Variants in CRADD observed in about 807,000 individuals in gnomAD.
The protein encoded by CRADD is CARD and death domain containing adaptor protein.
Under a neutral mutation model 15.5 loss-of-function variants are expected in CRADD, and 9 were observed. That is an observed-to-expected ratio of 0.58 (90% CI 0.35 to 1.01). CRADD has a LOEUF of 1.01. Ranked by LOEUF, CRADD falls within the 50% of genes least tolerant of loss-of-function variation. CRADD has a pLI of 0.02. For missense variants in CRADD, 227 were observed against 250.3 expected (o/e 0.91, Z 0.63); for synonymous variants, 118 against 107.6 (o/e 1.10, Z -0.60).
At chr12:93,888,221 C>T (rs571580257) in intron 2 of CRADD, among the ~76,000 whole-genome samples, 6 of 152,118 alleles carry the variant, frequency 3.9e-5, no homozygotes, top group South Asian at 2.1e-4. Context: ...GTCAGGAGAT[C>T]GAGACCATCA....
chr12:93,843,151 G>A (rs1285760343), intron 2 of CRADD, among the ~76,000 whole-genome samples: 1 of 152,120 alleles, frequency 6.6e-6, no homozygotes, highest in Admixed American at 6.5e-5. Flanking sequence ...TGGTAAGGTA[G>A]GGGTATCACT....
In CRADD at chr12:93,819,446, G is replaced by A. The variant is rs185094400; in HGVS notation, c.299-30524G>A. ...GAAGAGGCAGCAAAGCTTAATGTGTGGTGGTTAAAGGCATGACTCAGAAGC... is the reference window on the plus strand; with the variant it reads ...GAAGAGGCAGCAAAGCTTAATGTGTAGTGGTTAAAGGCATGACTCAGAAGC... On this transcript the variant is annotated intron_variant, in intron 2 of 2. Transcript: ENST00000332896. Among the ~76,000 whole-genome samples the A allele has an allele frequency of 7.3e-4, 111 of 152,318 alleles. 1 individual carries two copies. The highest frequency in any genetic ancestry group is 1.6e-3 in the African/African-American group (67 of 41,560).
intron 2 of CRADD, among the ~76,000 whole-genome samples, chr12:93,874,220 A>G (rs1047510717): frequency 2.0e-5 from 3 of 152,096 alleles, no homozygotes; most frequent in Non-Finnish European, 2.9e-5. Flanking sequence ...AGATTTTCCA[A>G]TTTATTGGCA....
intron 2 of CRADD, among the ~76,000 whole-genome samples, chr12:93,832,197 A>C (rs934894544): frequency 3.9e-5 from 6 of 152,236 alleles, no homozygotes; most frequent in Non-Finnish European, 8.8e-5. Flanking sequence ...GGAAGACAGC[A>C]AATTTAAAAG....
At chr12:93,828,713 C>T (rs777678943) in intron 2 of CRADD, among the ~76,000 whole-genome samples, 1 of 152,188 alleles carries the variant, frequency 6.6e-6, no homozygotes, top group East Asian at 1.9e-4. Context: ...TTCACTAATA[C>T]CCACTGTCAA....
rs556415276 is a variant in CRADD at position 93,781,002 on chromosome 12, C to T, written c.299-68968C>T. The stretch of plus-strand genomic sequence containing the variant: ...AACTCCTGACTTCAAGTAATCCACC[C>T]GCCTCAGCCTCCCAAAGTGCTGGGA... On this transcript the variant is annotated intron_variant, in intron 2 of 2. Transcript: ENST00000332896. Among the ~76,000 whole-genome samples, 326 of 151,768 alleles carry T rather than the reference C, an allele frequency of 2.1e-3. 2 individuals are homozygous for T. Among genetic ancestry groups the T allele is most frequent in the African/African-American group, 7.5e-3 (310 of 41,380 alleles).
intron 2 of CRADD, among the ~76,000 whole-genome samples, chr12:93,680,953 C>T (rs868014429): frequency 2.0e-5 from 3 of 151,786 alleles, no homozygotes; most frequent in East Asian, 1.9e-4. Flanking sequence ...GGCGCGATCT[C>T]GGCTCTCTGC....
chr12:93,698,986 C>T (rs1955777658), intron 2 of CRADD, among the ~76,000 whole-genome samples: 1 of 152,042 alleles, frequency 6.6e-6, no homozygotes, highest in African/African-American at 2.4e-5. Flanking sequence ...ACTATCTGGC[C>T]CTTTACAGAA....
At chr12:93,827,301 CATAA>C (rs1957835029) in intron 2 of CRADD, among the ~76,000 whole-genome samples, 1 of 152,180 alleles carries the variant, frequency 6.6e-6, no homozygotes, top group Non-Finnish European at 1.5e-5. Context: ...TAGAATTTCA[CATAA>C]ATGGAGTTCT....
intron 2 of CRADD, among the ~76,000 whole-genome samples, chr12:93,794,198 C>T (rs1957385548): frequency 6.6e-6 from 1 of 152,084 alleles, no homozygotes; most frequent in Non-Finnish European, 1.5e-5. Context: ...TGTTGGAAAG[C>T]CTCCAATGCT....
At chr12:93,888,715 TG>T (rs1958555741) in intron 2 of CRADD, among the ~76,000 whole-genome samples, 1 of 152,008 alleles carries the variant, frequency 6.6e-6, no homozygotes, top group Non-Finnish European at 1.5e-5. Flanking sequence ...AGGCCAGAGA[TG>T]GGGGTAGTCT....
At chr12:93,855,874 G>A (rs931259875) in intron 2 of CRADD, among the ~76,000 whole-genome samples, 1 of 152,192 alleles carries the variant, frequency 6.6e-6, no homozygotes, top group Non-Finnish European at 1.5e-5. Flanking sequence ...CTGGAGTGCT[G>A]TGGCATGATC....
intron 2 of CRADD, among the ~76,000 whole-genome samples, chr12:93,773,957 C>A (rs1182296933): frequency 1.3e-5 from 2 of 151,476 alleles, no homozygotes; most frequent in African/African-American, 4.9e-5. Flanking sequence ...CCTCAGCCTC[C>A]CAAGTAGCTG....
intron 2 of CRADD, among the ~76,000 whole-genome samples, chr12:93,841,797 G>A (rs1481556262): frequency 3.3e-5 from 5 of 152,088 alleles, no homozygotes; most frequent in Admixed American, 2.0e-4. Context: ...TCTAAAAAGC[G>A]GCTGTGCTGG....
chr12:93,685,259 G>C (rs754556172), intron 2 of CRADD, among the ~76,000 whole-genome samples: 18 of 152,236 alleles, frequency 1.2e-4, no homozygotes, highest in Admixed American at 3.3e-4. Context: ...GACTAGAATT[G>C]TGGTTATTAG....
intron 2 of CRADD, among the ~76,000 whole-genome samples, chr12:93,767,890 C>T (rs1361168083): frequency 6.6e-6 from 1 of 152,174 alleles, no homozygotes; most frequent in Non-Finnish European, 1.5e-5. Context: ...AATTCAACAC[C>T]ACCAAAAACT....
At chr12:93,775,150 G>A (rs2363081) in intron 2 of CRADD, among the ~76,000 whole-genome samples, 70,056 of 152,012 alleles carry the variant, frequency 0.46, 16,646 homozygotes, top group South Asian at 0.63. Flanking sequence ...ACCATTCATC[G>A]ATAATTTTGT....
At chr12:93,706,764 G>T (rs1446271502) in intron 2 of CRADD, among the ~76,000 whole-genome samples, 3 of 152,208 alleles carry the variant, frequency 2.0e-5, no homozygotes, top group Non-Finnish European at 4.4e-5. Flanking sequence ...GGCAGCATCC[G>T]ATTGAAAATC....
chr12:93,784,623 C>T (rs1463110636), intron 2 of CRADD, among the ~76,000 whole-genome samples: 1 of 151,934 alleles, frequency 6.6e-6, no homozygotes, highest in Non-Finnish European at 1.5e-5. Flanking sequence ...TGTTTTTCAG[C>T]TTTGCAGATG....
Sources: allele counts gnomAD v4.1 joint callset (sites outside exome capture counted in the v4.1 genomes callset), GRCh38; gene constraint gnomAD v4.1.1; transcripts MANE v1.5; gene names NCBI Gene and HGNC (gene_info 2026-07-23, HGNC 2026-07-21).